Variants in RIMS4 observed in about 807,000 individuals in gnomAD.
RIMS4 encodes the protein regulating synaptic membrane exocytosis protein 4.
Under a neutral mutation model 29.0 loss-of-function variants are expected in RIMS4, and 9 were observed. The ratio of observed to expected loss-of-function variants is 0.31; its 90% CI spans 0.19 to 0.54. RIMS4 has a LOEUF of 0.54. Among genes scored for constraint, RIMS4 ranks in the 20% least tolerant of loss-of-function variants. The probability of loss-of-function intolerance (pLI) is 0.94; values close to 1 mark genes in which losing one functional copy is unlikely to be tolerated. For synonymous variants in RIMS4, 130 were observed against 152.9 expected, an observed-to-expected ratio of 0.85 and a Z score of 1.10; for missense variants, 193 against 365.7, an observed-to-expected ratio of 0.53 and a Z score of 3.85.
At chr20:44,768,617 T>A (rs1210871598) in intron 2 of RIMS4, among the ~76,000 whole-genome samples, 1 of 152,212 alleles carries the variant, frequency 6.6e-6, no homozygotes, top group African/African-American at 2.4e-5. Flanking sequence ...GCGCCTCGCC[T>A]GGCTGGGATC....
At chr20:44,792,535 A>G (rs977703688) in intron 1 of RIMS4, among the ~76,000 whole-genome samples, 7 of 151,908 alleles carry the variant, frequency 4.6e-5, no homozygotes, top group Non-Finnish European at 1.5e-5. Flanking sequence ...TAGGAGATCC[A>G]CCCACCTCAG....
At chr20:44,763,527 T>G (rs2066095062) in intron 2 of RIMS4, among the ~76,000 whole-genome samples, 3 of 152,226 alleles carry the variant, frequency 2.0e-5, no homozygotes, top group African/African-American at 7.2e-5. Context: ...CAAGCCATTC[T>G]GGGGAGTACT....
At chr20:44,794,247 G>A (rs1401795811) in intron 1 of RIMS4, among the ~76,000 whole-genome samples, 1 of 152,172 alleles carries the variant, frequency 6.6e-6, no homozygotes, top group African/African-American at 2.4e-5. Flanking sequence ...CAACCACTTG[G>A]GGGTGAGGTA....
rs796523931 is a variant in RIMS4 at position 44,787,314 on chromosome 20, GATA to G, written c.98-15904_98-15902del. Among the ~76,000 whole-genome samples, 767 of 152,258 alleles carry G rather than the reference GATA, an allele frequency of 5.0e-3. 4 individuals are homozygous for G. Among genetic ancestry groups the G allele is most frequent in the African/African-American group, 0.017 (727 of 41,548 alleles). ...TGATGGAAGAGATGGTGGCGATGATGATAATGACAATGACGATGTGATGATAAA... is the reference window on the plus strand; with the variant it reads ...TGATGGAAGAGATGGTGGCGATGATGATGACAATGACGATGTGATGATAAA... On this transcript the variant is annotated intron_variant, in intron 1 of 5. Coordinates refer to ENST00000372851, the MANE Select transcript of RIMS4 (RefSeq NM_182970.4).
chr20:44,810,122 GGAC>G, intron 1 of RIMS4, 50 bp downstream of exon 1: 1 of 1,175,328 alleles, frequency 8.5e-7, no homozygotes. Context: ...GGGGGCTACC[GGAC>G]CTGGATCCCG....
chr20:44,777,065 G>A (rs2066163212), intron 1 of RIMS4, among the ~76,000 whole-genome samples: 2 of 152,146 alleles, frequency 1.3e-5, no homozygotes, highest in African/African-American at 4.8e-5. Flanking sequence ...GAGTCCCGGG[G>A]CACTTCAATC....
At chr20:44,800,574 G>A (rs2066273606) in intron 1 of RIMS4, among the ~76,000 whole-genome samples, 3 of 151,870 alleles carry the variant, frequency 2.0e-5, no homozygotes, top group Admixed American at 2.0e-4. Context: ...ATCAGCTAGA[G>A]AGAAACTGGC....
intron 1 of RIMS4, among the ~76,000 whole-genome samples, chr20:44,773,080 AAC>A (rs768218605): frequency 3.9e-5 from 6 of 152,058 alleles, no homozygotes; most frequent in Non-Finnish European, 8.8e-5. Flanking sequence ...AAAACACAGC[AAC>A]ACACACACAC....
chr20:44,761,501 C>T (rs2066084888), intron 2 of RIMS4, among the ~76,000 whole-genome samples: 2 of 152,216 alleles, frequency 1.3e-5, no homozygotes, highest in African/African-American at 2.4e-5. Context: ...TCAGAAGCAG[C>T]CCCCACCCAG....
chr20:44,793,789 G>T (rs540136540), intron 1 of RIMS4, among the ~76,000 whole-genome samples: 1 of 152,196 alleles, frequency 6.6e-6, no homozygotes, highest in Non-Finnish European at 1.5e-5. Context: ...AGAAATGAAG[G>T]CTGGGCATGG....
intron 1 of RIMS4, among the ~76,000 whole-genome samples, chr20:44,809,639 C>T (rs1298412423): frequency 6.6e-6 from 1 of 152,172 alleles, no homozygotes; most frequent in Non-Finnish European, 1.5e-5. Context: ...AGTCTGGAGC[C>T]CCAGCCCATG....
chr20:44,762,451 G>A (rs770102421), intron 2 of RIMS4, among the ~76,000 whole-genome samples: 10 of 152,112 alleles, frequency 6.6e-5, no homozygotes, highest in Non-Finnish European at 1.3e-4. Flanking sequence ...AATGGTGGGG[G>A]TCTCACGGAT....
chr20:44,784,050 T>C (rs2066197023), intron 1 of RIMS4, among the ~76,000 whole-genome samples: 2 of 152,154 alleles, frequency 1.3e-5, no homozygotes. Flanking sequence ...CTGTTAACCC[T>C]ATTCTACACT....
intron 2 of RIMS4, among the ~76,000 whole-genome samples, chr20:44,766,858 G>A (rs2066116002): frequency 6.6e-6 from 1 of 152,180 alleles, no homozygotes; most frequent in Non-Finnish European, 1.5e-5. Flanking sequence ...TCTGGCCCCT[G>A]AAGAGCTTCT....
At chr20:44,757,832 G>T in intron 3 of RIMS4, 61 bp from the exon 4 acceptor site, 1 of 1,440,888 alleles carries the variant, frequency 6.9e-7, no homozygotes, top group Non-Finnish European at 9.7e-7. Flanking sequence ...CTTGGACTCA[G>T]CTCTTCTCCT....
At chr20:44,757,997 G>T in intron 3 of RIMS4, 75 bp downstream of exon 3, 1 of 1,149,226 alleles carries the variant, frequency 8.7e-7, no homozygotes. Flanking sequence ...AAAGGGGAAG[G>T]AGGGAGAGAC....
intron 1 of RIMS4, among the ~76,000 whole-genome samples, chr20:44,802,062 C>G (rs1257529291): frequency 1.3e-5 from 2 of 152,120 alleles, no homozygotes; most frequent in Non-Finnish European, 2.9e-5. Flanking sequence ...TGGGTGGGCC[C>G]AGCAGTCTGC....
chr20:44,773,839 G>A (rs924593579), intron 1 of RIMS4, among the ~76,000 whole-genome samples: 1 of 152,184 alleles, frequency 6.6e-6, no homozygotes, highest in South Asian at 2.1e-4. Flanking sequence ...GAGACCCGGG[G>A]CAAGCTGGAC....
At chr20:44,789,975 AG>A (rs1240220106) in intron 1 of RIMS4, among the ~76,000 whole-genome samples, 1 of 152,262 alleles carries the variant, frequency 6.6e-6, no homozygotes, top group Non-Finnish European at 1.5e-5. Context: ...GAGGCACCCA[AG>A]GGAGAATAAA....
Sources: allele counts gnomAD v4.1 joint callset (sites outside exome capture counted in the v4.1 genomes callset), GRCh38; gene constraint gnomAD v4.1.1; transcripts MANE v1.5; gene names NCBI Gene and HGNC (gene_info 2026-07-23, HGNC 2026-07-21).